Variants in CCSER1 observed in about 807,000 individuals in gnomAD.
CCSER1 encodes the protein serine-rich coiled-coil domain-containing protein 1.
Under a neutral mutation model 82.0 loss-of-function variants are expected in CCSER1, and 41 were observed. The observed-to-expected ratio is 0.50, with a 90% CI of 0.39 to 0.65. CCSER1 has a LOEUF of 0.65. CCSER1 is among the 30% of genes least tolerant of loss of function. The pLI is 0.00. For synonymous variants in CCSER1, 414 were observed against 383.9 expected (o/e 1.08, Z -0.92); for missense variants, 1,119 against 1,064.2 (o/e 1.05, Z -0.72).
chr4:91,283,392 A>G (rs1743060164), intron 10 of CCSER1, among the ~76,000 whole-genome samples: 1 of 152,098 alleles, frequency 6.6e-6, no homozygotes, highest in South Asian at 2.1e-4. Flanking sequence ...TTGAGGTAGA[A>G]AAAGAAAAGA....
At chr4:91,188,778 T>C (rs938719905) in intron 10 of CCSER1, among the ~76,000 whole-genome samples, 1 of 152,158 alleles carries the variant, frequency 6.6e-6, no homozygotes, top group African/African-American at 2.4e-5. Flanking sequence ...ATTATACTCA[T>C]ACTGAGAAAA....
At chr4:90,729,831 G>C (rs1196131888) in intron 7 of CCSER1, among the ~76,000 whole-genome samples, 2 of 151,990 alleles carry the variant, frequency 1.3e-5, no homozygotes, top group African/African-American at 4.8e-5. Flanking sequence ...AGCGGAGATA[G>C]CACCACTGCA....
intron 9 of CCSER1, among the ~76,000 whole-genome samples, chr4:90,975,434 A>G (rs796747812): frequency 4.6e-5 from 7 of 151,464 alleles, no homozygotes; most frequent in African/African-American, 1.7e-4. Flanking sequence ...TGTGCACCTT[A>G]AATATATACA....
intron 10 of CCSER1, among the ~76,000 whole-genome samples, chr4:91,594,741 G>A (rs1039346528): frequency 1.3e-5 from 2 of 151,878 alleles, no homozygotes; most frequent in Non-Finnish European, 2.9e-5. Flanking sequence ...TTCAGTGAGT[G>A]GACTTAGAAA....
chr4:90,601,811 C>T (rs1784074259), intron 5 of CCSER1, among the ~76,000 whole-genome samples: 2 of 151,464 alleles, frequency 1.3e-5, no homozygotes, highest in Admixed American at 6.6e-5. Context: ...TTTATTTGAC[C>T]CTTGAATTAT....
intron 10 of CCSER1, among the ~76,000 whole-genome samples, chr4:91,412,454 A>G (rs904930538): frequency 4.6e-5 from 7 of 152,128 alleles, no homozygotes; most frequent in Middle Eastern, 3.4e-3. Context: ...AGGCACACAC[A>G]TCTGTGAAAT....
At chr4:90,758,087 C>T (rs1428530503) in intron 7 of CCSER1, among the ~76,000 whole-genome samples, 6 of 151,934 alleles carry the variant, frequency 3.9e-5, no homozygotes, top group East Asian at 3.9e-4. Flanking sequence ...TTTAGGCATG[C>T]GCCACCACAC....
chr4:91,266,046 A>G (rs1391940815), intron 10 of CCSER1, among the ~76,000 whole-genome samples: 1 of 152,156 alleles, frequency 6.6e-6, no homozygotes, highest in Non-Finnish European at 1.5e-5. Context: ...ATTCACTACC[A>G]TGAGAACAGT....
chr4:90,922,126 C>A (rs1002469907), intron 8 of CCSER1, among the ~76,000 whole-genome samples: 2 of 152,012 alleles, frequency 1.3e-5, no homozygotes, highest in African/African-American at 2.4e-5. Flanking sequence ...TTAGGGAAGT[C>A]AGAAGTGATG....
chr4:90,704,970 A>G (rs969985562), intron 6 of CCSER1, among the ~76,000 whole-genome samples: 1 of 151,992 alleles, frequency 6.6e-6, no homozygotes, highest in Non-Finnish European at 1.5e-5. Flanking sequence ...TCTTTTCTCA[A>G]CTCGTCAAAG....
At chr4:91,392,106 A>C (rs1274650129) in intron 10 of CCSER1, among the ~76,000 whole-genome samples, 1 of 152,102 alleles carries the variant, frequency 6.6e-6, no homozygotes, top group African/African-American at 2.4e-5. Flanking sequence ...ATACCATCTG[A>C]GTATGCTAGG....
chr4:90,137,219 G>C (rs983534010), intron 1 of CCSER1, among the ~76,000 whole-genome samples: 7 of 152,128 alleles, frequency 4.6e-5, no homozygotes, highest in Non-Finnish European at 7.4e-5. Flanking sequence ...GCCATTAAAT[G>C]AAACATTACA....
chr4:90,496,959 A>G (rs1769106868), intron 5 of CCSER1, among the ~76,000 whole-genome samples: 2 of 139,774 alleles, frequency 1.4e-5, no homozygotes, highest in African/African-American at 5.5e-5. Context: ...GCCTGGCGAT[A>G]GAGCGAGACT....
At chr4:90,823,483 T>C (rs73833898) in intron 8 of CCSER1, among the ~76,000 whole-genome samples, 1 of 152,044 alleles carries the variant, frequency 6.6e-6, no homozygotes, top group African/African-American at 2.4e-5. Context: ...GTGCTACTTA[T>C]TAATGTATTC....
intron 10 of CCSER1, among the ~76,000 whole-genome samples, chr4:91,595,943 T>TAAAAAAAAAAAAAAAA (rs1170927227): frequency 1.3e-5 from 1 of 78,868 alleles, no homozygotes; most frequent in Non-Finnish European, 2.3e-5. Context: ...ACAGAGAACT[T>TAAAAAAAAAAAAAAAA]AAAAAAAAAA....
At chr4:91,492,271 T>C (rs1055346150) in intron 10 of CCSER1, among the ~76,000 whole-genome samples, 1 of 152,086 alleles carries the variant, frequency 6.6e-6, no homozygotes, top group Non-Finnish European at 1.5e-5. Context: ...CAACATAGAA[T>C]GGCTGGAAGC....
chr4:91,080,062 C>A (rs527595628), intron 9 of CCSER1, among the ~76,000 whole-genome samples: 4 of 152,298 alleles, frequency 2.6e-5, no homozygotes, highest in African/African-American at 7.2e-5. Context: ...CTGCACCAAG[C>A]AGACCTCATA....
At chr4:91,300,268 A>C (rs35524320) in intron 10 of CCSER1, among the ~76,000 whole-genome samples, 8,563 of 152,000 alleles carry the variant, frequency 0.056, 320 homozygotes, top group Non-Finnish European at 0.082. Context: ...GCTTTTTGAT[A>C]ATGGGAATTT....
At chr4:90,639,804 A>G (rs913149053) in intron 6 of CCSER1, among the ~76,000 whole-genome samples, 8 of 152,102 alleles carry the variant, frequency 5.3e-5, no homozygotes, top group Non-Finnish European at 1.0e-4. Context: ...CAACATGCAA[A>G]TGTATGTGTC....
Sources: allele counts gnomAD v4.1 joint callset (sites outside exome capture counted in the v4.1 genomes callset), GRCh38; gene constraint gnomAD v4.1.1; transcripts MANE v1.5; gene names NCBI Gene and HGNC (gene_info 2026-07-23, HGNC 2026-07-21).